Variants in KCNJ6 observed in about 807,000 individuals in gnomAD.
The protein encoded by KCNJ6 is potassium inwardly rectifying channel subfamily J member 6.
KCNJ6 carries 9 observed loss-of-function variants against 34.2 expected under a neutral mutation model. That is an observed-to-expected ratio of 0.26 (90% confidence interval 0.16 to 0.46). The LOEUF is 0.46. Ranked by LOEUF, KCNJ6 falls within the 20% of genes least tolerant of loss-of-function variation. The pLI, the probability that KCNJ6 is intolerant of heterozygous loss-of-function variation, is 1.00. For missense variants in KCNJ6, 236 were observed against 531.3 expected, an observed-to-expected ratio of 0.44 and a Z score of 5.46; for synonymous variants, 196 against 207.1, an observed-to-expected ratio of 0.95 and a Z score of 0.46.
rs143118081 is a variant in KCNJ6, at chr21:37,614,812, T to TTGTG, written c.*10343_*10346dup. Reference sequence around the variant, plus strand: ...TGTATGCATGTGTCTGTGTGTGTATTTGTGTGTATGTGTGTGTGTTATGTA... The same window carrying TTGTG: ...TGTATGCATGTGTCTGTGTGTGTATTTGTGTGTGTGTATGTGTGTGTGTTATGTA... On this transcript the variant is annotated 3_prime_UTR_variant, in exon 4 of 4. Coordinates refer to ENST00000609713, the MANE Select transcript of KCNJ6 (RefSeq NM_002240.5). The TTGTG allele has an allele frequency of 0.32, 46,983 of 146,908 alleles. 7,485 individuals are homozygous for TTGTG. Among genetic ancestry groups the TTGTG allele is most frequent in the South Asian group, 0.36 (1,645 of 4,628 alleles). 9.1% of individuals were successfully genotyped at this position (146,908 alleles called of 1,614,324 possible).
intron 3 of KCNJ6, among the ~76,000 whole-genome samples, chr21:37,673,971 C>T (rs546823105): frequency 6.6e-6 from 1 of 152,294 alleles, no homozygotes; most frequent in South Asian, 2.1e-4. Context: ...CATGCTGTGA[C>T]TTTGAGCCCT....
intron 1 of KCNJ6, among the ~76,000 whole-genome samples, chr21:37,864,524 C>A (rs2055612080): frequency 6.6e-6 from 1 of 152,094 alleles, no homozygotes. Context: ...AGAGATGAAA[C>A]CTAGAGAGAA....
chr21:37,745,059 C>G (rs1301061506), intron 2 of KCNJ6, among the ~76,000 whole-genome samples: 1 of 140,644 alleles, frequency 7.1e-6, no homozygotes, highest in Non-Finnish European at 1.5e-5. Context: ...AAGGACTTAG[C>G]CCAACGTTGC....
intron 1 of KCNJ6, among the ~76,000 whole-genome samples, chr21:37,843,217 G>T (rs1175754659): frequency 6.6e-6 from 1 of 152,142 alleles, no homozygotes; most frequent in African/African-American, 2.4e-5. Context: ...ATTCTTGCTG[G>T]TGGGTGGTCC....
intron 1 of KCNJ6, among the ~76,000 whole-genome samples, chr21:37,868,570 T>G (rs1171749351): frequency 6.6e-6 from 1 of 152,142 alleles, no homozygotes; most frequent in East Asian, 1.9e-4. Context: ...CTGGGATTTG[T>G]GGGAAAAATA....
chr21:37,832,478 C>T (rs2055430973), intron 2 of KCNJ6, among the ~76,000 whole-genome samples: 4 of 152,124 alleles, frequency 2.6e-5, no homozygotes, highest in Non-Finnish European at 5.9e-5. Context: ...TTGTCAGGAA[C>T]CCTGGGACCT....
At chr21:37,634,259 T>C (rs546287463) in intron 3 of KCNJ6, among the ~76,000 whole-genome samples, 1 of 152,050 alleles carries the variant, frequency 6.6e-6, no homozygotes, top group Admixed American at 6.6e-5. Context: ...TCAGTTCTCA[T>C]GAGAACTGAC....
At chr21:37,681,167 G>A (rs138669536) in intron 3 of KCNJ6, among the ~76,000 whole-genome samples, 12 of 152,338 alleles carry the variant, frequency 7.9e-5, no homozygotes, top group Admixed American at 5.9e-4. Context: ...AAAAAGGTTC[G>A]GTTCTCACGA....
rs60006502 is a variant in KCNJ6 at position 37,617,136 on chromosome 21, TTTCC to T, written c.*8019_*8022del. 752 of 125,724 alleles carry T rather than the reference TTTCC, an allele frequency of 6.0e-3. 14 individuals carry two copies. The highest frequency in any genetic ancestry group is 0.022 in the African/African-American group (695 of 31,516). 7.8% of individuals were successfully genotyped at this position (125,724 alleles called of 1,614,324 possible). On this transcript the variant is annotated 3_prime_UTR_variant, in exon 4 of 4. Coordinates refer to ENST00000609713, the MANE Select transcript of KCNJ6 (RefSeq NM_002240.5). ...TCCTTCTTCCTTCCTTCCTTCTTTC[TTTCC>T]TTCCTTCCTTCCTTCTTTCTTTATC...
chr21:37,767,966 G>A (rs539219220), intron 2 of KCNJ6, among the ~76,000 whole-genome samples: 1 of 152,218 alleles, frequency 6.6e-6, no homozygotes, highest in South Asian at 2.1e-4. Flanking sequence ...AGAGGTCTGG[G>A]AAATCATATG....
intron 3 of KCNJ6, among the ~76,000 whole-genome samples, chr21:37,707,112 C>G (rs2409938): frequency 0.015 from 2 of 134 alleles, no homozygotes; most frequent in South Asian, 0.17. Flanking sequence ...CATGGCAGTA[C>G]CCGGGCAGAG....
intron 3 of KCNJ6, among the ~76,000 whole-genome samples, chr21:37,639,597 A>T (rs2054372337): frequency 6.6e-6 from 1 of 152,216 alleles, no homozygotes; most frequent in Non-Finnish European, 1.5e-5. Flanking sequence ...CAGCACAAAA[A>T]GACATATTCA....
At chr21:37,779,693 C>G (rs187655421) in intron 2 of KCNJ6, among the ~76,000 whole-genome samples, 14 of 152,228 alleles carry the variant, frequency 9.2e-5, no homozygotes, top group South Asian at 2.1e-4. Flanking sequence ...TTCCTTGAGA[C>G]GAGGCTAATG....
Position 37,914,008 on chromosome 21 carries a change from G to GGTGTGTGTGTGTGTGTGTGTGTGT in KCNJ6, c.-28+1852_-28+1875dup, listed in dbSNP as rs371432862. ...GCAACCCTCGTCAGAGGCGGATCGG[G>GGTGTGTGTGTGTGTGTGTGTGTGT]GTGTGTGTGTGTGTGTGTGTGTGTG... On this transcript the variant is annotated intron_variant, in intron 1 of 3. Coordinates refer to ENST00000609713, the MANE Select transcript of KCNJ6 (RefSeq NM_002240.5). Among the ~76,000 whole-genome samples the GGTGTGTGTGTGTGTGTGTGTGTGT allele has an allele frequency of 2.1e-4, 28 of 135,584 alleles. 1 individual carries two copies. The highest frequency in any genetic ancestry group is 4.9e-4 in the East Asian group (2 of 4,116). The allele number at this position is 135,584 out of a possible 152,430, so 88.9% of individuals were successfully genotyped here.
intron 1 of KCNJ6, among the ~76,000 whole-genome samples, chr21:37,892,044 A>G (rs1448177238): frequency 1.3e-5 from 2 of 152,242 alleles, no homozygotes; most frequent in Non-Finnish European, 1.5e-5. Flanking sequence ...ATCTTTTTAA[A>G]GCATTCTTGT....
chr21:37,797,781 G>C (rs769045365), intron 2 of KCNJ6, among the ~76,000 whole-genome samples: 1 of 152,186 alleles, frequency 6.6e-6, no homozygotes, highest in African/African-American at 2.4e-5. Flanking sequence ...TCCCACGTTT[G>C]CACCTGGTTG....
chr21:37,736,182 G>A (rs1239308409), intron 2 of KCNJ6, among the ~76,000 whole-genome samples: 1 of 114,344 alleles, frequency 8.7e-6, no homozygotes, highest in Non-Finnish European at 2.2e-5. Flanking sequence ...CCTGTGTACC[G>A]AGCCCTGTGC....
intron 2 of KCNJ6, among the ~76,000 whole-genome samples, chr21:37,778,123 T>C (rs936741790): frequency 1.3e-5 from 2 of 152,136 alleles, no homozygotes; most frequent in African/African-American, 2.4e-5. Context: ...AAAAGAACTG[T>C]GTTTGATCTA....
At chr21:37,760,781 A>T (rs1341432809) in intron 2 of KCNJ6, among the ~76,000 whole-genome samples, 9 of 152,164 alleles carry the variant, frequency 5.9e-5, no homozygotes, top group Non-Finnish European at 1.0e-4. Flanking sequence ...GAGGCCTGGG[A>T]TAGAGAAAGG....
Sources: gnomAD v4.1 joint callset for allele counts (sites outside exome capture counted in the v4.1 genomes callset) on GRCh38, gnomAD v4.1.1 for gene constraint, MANE v1.5 for transcripts, NCBI Gene and HGNC (gene_info 2026-07-23, HGNC 2026-07-21) for gene names.